The following ATP6V0A2 variants were observed in gnomAD, a reference collection of about 807,000 sequenced individuals.
ATP6V0A2 encodes the protein V-type proton ATPase 116 kDa subunit a 2.
Under a neutral mutation model 104.4 loss-of-function variants are expected in ATP6V0A2, and 58 were observed. The observed-to-expected ratio is 0.56, with a 90% CI of 0.45 to 0.69. The LOEUF (loss-of-function observed/expected upper bound fraction) is 0.69, where lower values mean the gene tolerates loss of function less well. Among genes scored for constraint, ATP6V0A2 ranks in the 30% least tolerant of loss-of-function variants. ATP6V0A2 has a pLI of 0.00. For synonymous variants in ATP6V0A2, 376 were observed against 397.9 expected, an observed-to-expected ratio of 0.95 and a Z score of 0.65; for missense variants, 938 against 1,062.9, an observed-to-expected ratio of 0.88 and a Z score of 1.63.
In ATP6V0A2 at chr12:123,737,245, C is replaced by T; in HGVS notation, c.1012C>T (p.Leu338=). 1 of 1,614,154 alleles carries T rather than the reference C, an allele frequency of 6.2e-7. No individual in the cohort carries two copies. Among genetic ancestry groups the T allele is most frequent in the African/African-American group, 1.3e-5 (1 of 75,040 alleles). Residue 338 remains leucine (L), a synonymous_variant, in exon 9 of 20, where the codon CTG becomes TTG. Coordinates refer to ENST00000330342, the MANE Select transcript of ATP6V0A2 (RefSeq NM_012463.4). The part of the protein sequence containing the change: ...VWCPEADLQD[L]RRALEEGSRE... ...GTGTCCCGAGGCGGATCTGCAGGAC[C>T]TGCGCCGGGCACTGGAGGAGGGCTC...
At chr12:123,724,564 C>T in intron 3 of ATP6V0A2, 90 bp from the exon 4 acceptor site, 2 of 1,346,098 alleles carry the variant, frequency 1.5e-6, no homozygotes, top group South Asian at 1.3e-5. Flanking sequence ...AACAAAAAAA[C>T]CCACTGTTTT....
intron 9 of ATP6V0A2, among the ~76,000 whole-genome samples, chr12:123,741,827 T>C (rs1489401155): frequency 1.3e-5 from 2 of 152,198 alleles, no homozygotes; most frequent in East Asian, 3.8e-4. Context: ...GAAAATAGTT[T>C]TCTGGCAGAT....
chr12:123,734,333 T>A (rs569467439), intron 7 of ATP6V0A2, among the ~76,000 whole-genome samples: 1 of 152,346 alleles, frequency 6.6e-6, no homozygotes, highest in East Asian at 1.9e-4. Context: ...CCAGTCGGGC[T>A]TACCTGTCAT....
At chr12:123,753,611 C>T (rs1956736710) in intron 17 of ATP6V0A2, among the ~76,000 whole-genome samples, 1 of 152,238 alleles carries the variant, frequency 6.6e-6, no homozygotes, top group South Asian at 2.1e-4. Context: ...AATACAGTCA[C>T]ATTGCGGTTA....
chr12:123,738,132 C>T (rs1316328333), intron 9 of ATP6V0A2, among the ~76,000 whole-genome samples: 3 of 152,148 alleles, frequency 2.0e-5, no homozygotes, highest in South Asian at 2.1e-4. Flanking sequence ...TGGCTGGGCA[C>T]GGTGGCTCAC....
intron 16 of ATP6V0A2, 98 bp from the exon 17 acceptor site, chr12:123,752,185 G>C: frequency 6.6e-7 from 1 of 1,526,696 alleles, no homozygotes; most frequent in South Asian, 1.1e-5. Context: ...TTCTCAAAGA[G>C]CTGAATCATT....
intron 1 of ATP6V0A2, among the ~76,000 whole-genome samples, chr12:123,713,592 G>A (rs1264957554): frequency 6.6e-6 from 1 of 152,116 alleles, no homozygotes; most frequent in African/African-American, 2.4e-5. Flanking sequence ...AGACTCGGTG[G>A]TGAGCAAGGC....
intron 9 of ATP6V0A2, among the ~76,000 whole-genome samples, chr12:123,741,606 AATTT>A (rs1017130422): frequency 3.3e-5 from 5 of 151,868 alleles, no homozygotes; most frequent in African/African-American, 7.3e-5. Flanking sequence ...ATGCCTGGCT[AATTT>A]ATTTATTTAT....
At chr12:123,745,387 G>A (rs1439622794) in intron 13 of ATP6V0A2, among the ~76,000 whole-genome samples, 2 of 152,122 alleles carry the variant, frequency 1.3e-5, no homozygotes, top group African/African-American at 4.8e-5. Context: ...GGTGCTTATT[G>A]GGGTAGTTGT....
intron 2 of ATP6V0A2, among the ~76,000 whole-genome samples, chr12:123,719,953 C>T (rs890336313): frequency 3.9e-5 from 6 of 152,160 alleles, no homozygotes; most frequent in Non-Finnish European, 7.3e-5. Context: ...CTCTCTCCCC[C>T]GTATAAACCC....
intron 1 of ATP6V0A2, 139 bp downstream of exon 1, chr12:123,712,821 C>T: frequency 1.2e-6 from 1 of 813,760 alleles, no homozygotes; most frequent in East Asian, 2.7e-5. Context: ...AGATGACACC[C>T]CAGCTCAGCG....
intron 4 of ATP6V0A2, among the ~76,000 whole-genome samples, chr12:123,725,224 G>T (rs978642582): frequency 6.6e-6 from 1 of 152,108 alleles, no homozygotes; most frequent in African/African-American, 2.4e-5. Context: ...GTGAGCTACC[G>T]CGCCCAGATT....
chr12:123,729,224 A>G (rs762676060), intron 6 of ATP6V0A2, among the ~76,000 whole-genome samples: 1 of 151,414 alleles, frequency 6.6e-6, no homozygotes, highest in East Asian at 1.9e-4. Context: ...ACATGTTCCC[A>G]TCACTTTTTG....
Position 123,740,930 on chromosome 12 carries a change from G to C in ATP6V0A2, c.1039-2855G>C, listed in dbSNP as rs537137319. ...CTGAGTCTTTTAAAATCTGATTCCT[G>C]GTGCTTTTTCCTGTCCTGTATTTTT... On this transcript the variant is annotated intron_variant, in intron 9 of 19. Transcript: ENST00000330342. Among the ~76,000 whole-genome samples the C allele has an allele frequency of 7.9e-4, 119 of 150,492 alleles. 2 individuals are homozygous for C. The South Asian group carries it at 0.018, about 22-fold the overall frequency.
At chr12:123,749,173 G>A (rs996339721) in intron 15 of ATP6V0A2, among the ~76,000 whole-genome samples, 3 of 152,094 alleles carry the variant, frequency 2.0e-5, no homozygotes, top group South Asian at 2.1e-4. Context: ...CCTGTAGTCC[G>A]AGCTACTTGG....
At chr12:123,732,452 A>G (rs73420329) in intron 6 of ATP6V0A2, 4,152 of 152,472 alleles carry the variant, frequency 0.027, 199 homozygotes, top group African/African-American at 0.094. Flanking sequence ...TTCCTCAGCA[A>G]CAGCCCTGTG....
At chr12:123,723,969 T>G (rs1312571032) in intron 3 of ATP6V0A2, 3 of 152,138 alleles carry the variant, frequency 2.0e-5, no homozygotes, top group African/African-American at 7.2e-5. Context: ...GCACCTGTGG[T>G]TAGAGACGAG....
chr12:123,720,660 T>C (rs1177312298), intron 2 of ATP6V0A2, among the ~76,000 whole-genome samples: 4 of 152,138 alleles, frequency 2.6e-5, no homozygotes, highest in Non-Finnish European at 5.9e-5. Flanking sequence ...CACACCACTG[T>C]ACTCCAGCCT....
intron 9 of ATP6V0A2, among the ~76,000 whole-genome samples, chr12:123,739,234 C>T (rs80192821): frequency 0.019 from 2,963 of 152,322 alleles, 83 homozygotes; most frequent in Admixed American, 0.053. Flanking sequence ...TTGCTCCGCT[C>T]GTGGGCACCG....
Sources: allele counts gnomAD v4.1 joint callset (sites outside exome capture counted in the v4.1 genomes callset), GRCh38; gene constraint gnomAD v4.1.1; transcripts MANE v1.5; gene names NCBI Gene and HGNC (gene_info 2026-07-23, HGNC 2026-07-21).